Variants in PRH1 observed in about 807,000 individuals in gnomAD.
PRH1 encodes proline rich protein HaeIII subfamily 1, also known as salivary acidic proline-rich phosphoprotein 1/2.
PRH1 carries 7 observed loss-of-function variants against 7.9 expected under a neutral mutation model. That is an observed-to-expected ratio of 0.89 (90% CI 0.50 to 1.67). The LOEUF is 1.67. Ranked by LOEUF, PRH1 falls within the 40% of genes most tolerant of loss-of-function variation. The pLI, the probability that PRH1 is intolerant of heterozygous loss-of-function variation, is 0.00. For synonymous variants in PRH1, 45 were observed against 80.8 expected (o/e 0.56, Z 2.38); for missense variants, 109 against 223.6 (o/e 0.49, Z 3.27).
chr12:11,012,228 T>C (rs368857105), intron 1 of PRH1, among the ~76,000 whole-genome samples: 1 of 152,124 alleles, frequency 6.6e-6, no homozygotes, highest in South Asian at 2.1e-4. Context: ...TAAAAATCGG[T>C]CTTCAATATT....
intron 2 of PRH1, among the ~76,000 whole-genome samples, chr12:10,945,064 T>A (rs1442360240): frequency 1.3e-5 from 2 of 152,206 alleles, no homozygotes; most frequent in Non-Finnish European, 2.9e-5. Flanking sequence ...AAGATGATGC[T>A]GGCCTCATAC....
chr12:10,927,989 T>C (rs573995981), intron 2 of PRH1, among the ~76,000 whole-genome samples: 1 of 152,270 alleles, frequency 6.6e-6, no homozygotes, highest in East Asian at 1.9e-4. Flanking sequence ...TATTGTCCAA[T>C]TGTAGAGACA....
chr12:11,049,025 T>C (rs1271580001), upstream of PRH1: 3 of 239,752 alleles, frequency 1.3e-5, no homozygotes, highest in Admixed American at 1.4e-4. Context: ...TTACTTCTAA[T>C]CTATGTGAAG....
At chr12:11,079,093 T>C (rs1210561634) in intron 1 of PRH1, 9 of 114,518 alleles carry the variant, frequency 7.9e-5, no homozygotes, top group African/African-American at 2.1e-4. Flanking sequence ...TTGATAAATT[T>C]AGTCTCAAGT....
intron 1 of PRH1, among the ~76,000 whole-genome samples, chr12:11,127,746 A>C (rs200876526): frequency 0.012 from 703 of 58,092 alleles, no homozygotes; most frequent in Middle Eastern, 0.028. Flanking sequence ...CTTAATCTCT[A>C]AGGCTTAGGC....
chr12:11,011,198 G>A (rs7311538), intron 1 of PRH1, among the ~76,000 whole-genome samples: 3 of 151,842 alleles, frequency 2.0e-5, no homozygotes, highest in African/African-American at 4.8e-5. Flanking sequence ...TAAGGCAGGC[G>A]TATTATCACT....
chr12:11,021,009 A>G (rs1026095230), intron 1 of PRH1, among the ~76,000 whole-genome samples: 1 of 152,212 alleles, frequency 6.6e-6, no homozygotes, highest in Non-Finnish European at 1.5e-5. Flanking sequence ...TATAGAAATG[A>G]TTTTTATTCT....
chr12:10,892,508 G>C (rs1487126864), intron 2 of PRH1, among the ~76,000 whole-genome samples: 1 of 103,366 alleles, frequency 9.7e-6, no homozygotes, highest in African/African-American at 2.7e-5. Context: ...AGTTAGAAAG[G>C]ATTGAAAGTG....
rs370031578 is a variant in PRH1 at position 10,896,594 on chromosome 12, T to A, written c.-58-12319A>T. ...CTGGCCAACATGGTGAAACCCTGTC[T>A]CTACTAAAAATACAAAAATTAGCTG... On this transcript the variant is annotated intron_variant, in intron 2 of 3. Transcript: ENST00000539853. Among the ~76,000 whole-genome samples, 13 of 151,964 alleles carry A rather than the reference T, an allele frequency of 8.6e-5. No homozygotes were observed. The East Asian group carries it at 2.1e-3, about 25-fold the overall frequency.
intron 1 of PRH1, among the ~76,000 whole-genome samples, chr12:11,021,322 T>C (rs1444728610): frequency 2.0e-5 from 3 of 152,098 alleles, no homozygotes; most frequent in African/African-American, 4.8e-5. Context: ...AAAAGAGAAA[T>C]GATTTCTTCA....
At chr12:10,915,788 T>C (rs1426603705) in intron 2 of PRH1, among the ~76,000 whole-genome samples, 1 of 152,258 alleles carries the variant, frequency 6.6e-6, no homozygotes, top group African/African-American at 2.4e-5. Context: ...TCATCTGTCC[T>C]GTCTTTGCTT....
At chr12:10,976,895 A>G (rs1339375715) in intron 1 of PRH1, among the ~76,000 whole-genome samples, 2 of 152,146 alleles carry the variant, frequency 1.3e-5, no homozygotes, top group African/African-American at 4.8e-5. Context: ...TAAACCGATG[A>G]TGAGTTCCAA....
chr12:10,946,100 C>T (rs1347397575), intron 2 of PRH1, among the ~76,000 whole-genome samples: 1 of 152,196 alleles, frequency 6.6e-6, no homozygotes, highest in African/African-American at 2.4e-5. Context: ...AGGCAACATA[C>T]ATCCTCCTCA....
At chr12:10,954,355 T>G (rs1937845495) in intron 2 of PRH1, among the ~76,000 whole-genome samples, 1 of 152,188 alleles carries the variant, frequency 6.6e-6, no homozygotes, top group African/African-American at 2.4e-5. Context: ...GTATAGTGTC[T>G]TCAAGAGACT....
In PRH1 at chr12:11,106,174, T is replaced by C. The variant is rs1945407959; in HGVS notation, n.124-58986A>G. Among the ~76,000 whole-genome samples, 2 of 47,332 alleles carry C rather than the reference T, an allele frequency of 4.2e-5. 1 individual carries two copies. Among genetic ancestry groups the C allele is most frequent in the Non-Finnish European group, 1.3e-4 (2 of 15,772 alleles). The allele number at this position is 47,332 out of a possible 152,430, so 31.1% of individuals were successfully genotyped here. ...CCAGGATGGTCTCGATCTCCTGACCTCGTGATCCGCCCGCCTCGGCCTCCC... is the reference window on the plus strand; with the variant it reads ...CCAGGATGGTCTCGATCTCCTGACCCCGTGATCCGCCCGCCTCGGCCTCCC... On this transcript the variant is annotated intron_variant and non_coding_transcript_variant, in intron 1 of 4. Transcript: ENST00000541977.
chr12:11,061,558 A>C, intron 1 of PRH1: 4 of 1,614,122 alleles, frequency 2.5e-6, no homozygotes, highest in Non-Finnish European at 3.4e-6. Flanking sequence ...AACTGACATG[A>C]TTATGGACAG....
chr12:11,151,129 T>A (rs1430008716), intron 1 of PRH1, among the ~76,000 whole-genome samples: 2 of 152,208 alleles, frequency 1.3e-5, no homozygotes, highest in African/African-American at 4.8e-5. Context: ...TCATTAAGCC[T>A]GATACTACCC....
intron 1 of PRH1, among the ~76,000 whole-genome samples, chr12:11,080,676 A>G (rs1308457277): frequency 8.4e-6 from 1 of 118,652 alleles, no homozygotes; most frequent in Non-Finnish European, 2.0e-5. Flanking sequence ...ACATTTATTT[A>G]GAATTACACA....
chr12:10,962,219 T>C (rs1208175245), intron 2 of PRH1, among the ~76,000 whole-genome samples: 1 of 152,224 alleles, frequency 6.6e-6, no homozygotes, highest in Non-Finnish European at 1.5e-5. Context: ...TTAGAAAGGA[T>C]ATTAAAAATA....
Sources: allele counts gnomAD v4.1 joint callset (sites outside exome capture counted in the v4.1 genomes callset), GRCh38; gene constraint gnomAD v4.1.1; transcripts MANE v1.5; gene names NCBI Gene and HGNC (gene_info 2026-07-23, HGNC 2026-07-21).